The following COL23A1 variants were observed in gnomAD, a reference collection of about 807,000 sequenced individuals.
The protein encoded by COL23A1 is collagen type XXIII alpha 1 chain.
Under a neutral mutation model 99.3 loss-of-function variants are expected in COL23A1, and 97 were observed. That is an observed-to-expected ratio of 0.98 (90% confidence interval 0.83 to 1.16). The LOEUF (loss-of-function observed/expected upper bound fraction) is 1.16. COL23A1 is among the 50% of genes most tolerant of loss of function. The pLI, the probability that COL23A1 is intolerant of heterozygous loss-of-function variation, is 0.00. For missense variants in COL23A1, 762 were observed against 757.4 expected, an observed-to-expected ratio of 1.01 and a Z score of -0.07; for synonymous variants, 320 against 308.2, an observed-to-expected ratio of 1.04 and a Z score of -0.40.
intron 2 of COL23A1, among the ~76,000 whole-genome samples, chr5:178,317,029 C>T (rs1759019149): frequency 6.6e-6 from 1 of 152,166 alleles, no homozygotes; most frequent in Non-Finnish European, 1.5e-5. Flanking sequence ...TATTAAAAAA[C>T]TCAGACTAAT....
At chr5:178,474,385 T>C (rs1167516287) in intron 2 of COL23A1, among the ~76,000 whole-genome samples, 1 of 152,232 alleles carries the variant, frequency 6.6e-6, no homozygotes, top group African/African-American at 2.4e-5. Flanking sequence ...GTGGGCTACA[T>C]ATAAAATAAA....
intron 2 of COL23A1, among the ~76,000 whole-genome samples, chr5:178,455,770 C>T (rs1767752673): frequency 6.6e-6 from 1 of 152,114 alleles, no homozygotes; most frequent in Non-Finnish European, 1.5e-5. Context: ...AGCGGAGGAC[C>T]AGCCCTCTAC....
At chr5:178,390,066 A>T (rs908010884) in intron 2 of COL23A1, among the ~76,000 whole-genome samples, 1 of 152,170 alleles carries the variant, frequency 6.6e-6, no homozygotes, top group Non-Finnish European at 1.5e-5. Context: ...ACATCTGCTG[A>T]GGCTTTGAGA....
intron 2 of COL23A1, among the ~76,000 whole-genome samples, chr5:178,363,323 C>T (rs2127707327): frequency 6.6e-6 from 1 of 152,186 alleles, no homozygotes; most frequent in East Asian, 1.9e-4. Context: ...TTTGCATCTC[C>T]AAGTTGTTGA....
At chr5:178,433,145 C>T (rs572625215) in intron 2 of COL23A1, among the ~76,000 whole-genome samples, 3 of 152,074 alleles carry the variant, frequency 2.0e-5, no homozygotes, top group Middle Eastern at 3.4e-3. Flanking sequence ...GTATGGACTC[C>T]GCAGGTTTAA....
intron 2 of COL23A1, among the ~76,000 whole-genome samples, chr5:178,343,665 T>TATATATA (rs33971412): frequency 6.3e-4 from 7 of 11,066 alleles, no homozygotes; most frequent in Middle Eastern, 0.038. Flanking sequence ...ATATATATAT[T>TATATATA]TTTTTTTTTT....
intron 2 of COL23A1, among the ~76,000 whole-genome samples, chr5:178,452,750 A>C (rs139190909): frequency 6.6e-6 from 1 of 152,146 alleles, no homozygotes; most frequent in Non-Finnish European, 1.5e-5. Flanking sequence ...CCAAGACACA[A>C]TTTTTTACCC....
intron 1 of COL23A1, among the ~76,000 whole-genome samples, chr5:178,564,610 T>C (rs1301479867): frequency 6.6e-6 from 1 of 152,122 alleles, no homozygotes. Context: ...GACCAGAGAC[T>C]TTGGGCAAGT....
intron 2 of COL23A1, among the ~76,000 whole-genome samples, chr5:178,453,333 G>C (rs1039087492): frequency 1.3e-5 from 2 of 152,204 alleles, no homozygotes; most frequent in Admixed American, 1.3e-4. Flanking sequence ...GTGAAGAGAT[G>C]ACCTGGGGGT....
chr5:178,256,554 G>A (rs536856329), intron 14 of COL23A1, among the ~76,000 whole-genome samples, 157 bp from the exon 15 acceptor site: 1 of 152,374 alleles, frequency 6.6e-6, no homozygotes, highest in Non-Finnish European at 1.5e-5. Flanking sequence ...CAGGAACGGG[G>A]CTCCTCCAGG....
intron 2 of COL23A1, among the ~76,000 whole-genome samples, chr5:178,531,558 T>C (rs1760652464): frequency 6.6e-6 from 1 of 152,220 alleles, no homozygotes; most frequent in Admixed American, 6.5e-5. Flanking sequence ...TCTGGAATTA[T>C]CATCCTGCAA....
At chr5:178,460,671 C>A (rs73338630) in intron 2 of COL23A1, among the ~76,000 whole-genome samples, 3,554 of 152,274 alleles carry the variant, frequency 0.023, 164 homozygotes, top group African/African-American at 0.081. Context: ...TAGCTGGCTG[C>A]CTTTTGCTTC....
intron 2 of COL23A1, among the ~76,000 whole-genome samples, chr5:178,361,768 T>C (rs1280719701): frequency 1.3e-5 from 2 of 152,130 alleles, no homozygotes; most frequent in African/African-American, 2.4e-5. Context: ...CCAAGACAGG[T>C]GCTTTCCCTA....
chr5:178,348,331 C>T (rs182112449), intron 2 of COL23A1, among the ~76,000 whole-genome samples: 1 of 152,348 alleles, frequency 6.6e-6, no homozygotes, highest in East Asian at 1.9e-4. Context: ...CCTCCTCTAC[C>T]TCATTGCTAA....
intron 2 of COL23A1, among the ~76,000 whole-genome samples, chr5:178,389,642 T>C (rs1455597744): frequency 2.0e-5 from 3 of 152,194 alleles, no homozygotes; most frequent in African/African-American, 7.2e-5. Context: ...TAAATGTGTA[T>C]ATAATGTGAT....
chr5:178,587,838 CAAG>C (rs776595540), intron 1 of COL23A1, among the ~76,000 whole-genome samples: 18 of 152,252 alleles, frequency 1.2e-4, no homozygotes, highest in Admixed American at 7.8e-4. Flanking sequence ...GTGACATTTA[CAAG>C]AAGAATAGCT....
At chr5:178,463,628 T>C (rs904914666) in intron 2 of COL23A1, among the ~76,000 whole-genome samples, 2 of 152,146 alleles carry the variant, frequency 1.3e-5, no homozygotes, top group Non-Finnish European at 2.9e-5. Context: ...GGAGAAGAAG[T>C]TGATGAACTC....
In COL23A1 at chr5:178,589,777, C is replaced by G; in HGVS notation, c.294+127G>C. On this transcript the variant is annotated intron_variant, in intron 1 of 28. Coordinates refer to ENST00000390654, the MANE Select transcript of COL23A1 (RefSeq NM_173465.4). The surrounding 1 kb of genome is among the most constrained non-coding windows in gnomAD (Gnocchi z 5.4). Reference sequence around the variant, plus strand: ...AGACGTGCCCATCTCTGGGACGGCCCCGAGCGCACGCAGCCGGCGGGCGAC... The same window carrying G: ...AGACGTGCCCATCTCTGGGACGGCCGCGAGCGCACGCAGCCGGCGGGCGAC... The G allele has an allele frequency of 1.0e-6, 1 of 972,524 alleles. No homozygotes were observed. The highest frequency in any genetic ancestry group is 1.3e-6 in the Non-Finnish European group (1 of 754,942). The allele number at this position is 972,524 out of a possible 1,614,324, so 60.2% of individuals were successfully genotyped here. A position where few individuals can be genotyped will look rare whatever the true frequency, so the allele number is the denominator to read the frequency against.
intron 2 of COL23A1, among the ~76,000 whole-genome samples, chr5:178,454,413 A>G (rs1767655798): frequency 6.6e-6 from 1 of 152,208 alleles, no homozygotes; most frequent in Non-Finnish European, 1.5e-5. Context: ...TCAGCTAAAA[A>G]CATGCCTCCA....
Sources: gnomAD v4.1 joint callset for allele counts (sites outside exome capture counted in the v4.1 genomes callset) on GRCh38, gnomAD v4.1.1 for gene constraint, Gnocchi (gnomAD v3.1) non-coding constraint, MANE v1.5 for transcripts, NCBI Gene and HGNC (gene_info 2026-07-23, HGNC 2026-07-21) for gene names.